Variants in DNAH3 observed in about 807,000 individuals in gnomAD.
DNAH3 encodes the protein axonemal beta dynein heavy chain 3.
A neutral mutation model predicts 432.5 loss-of-function variants in DNAH3; 332 were observed. That is an observed-to-expected ratio of 0.77 (90% CI 0.70 to 0.84). DNAH3 has a LOEUF of 0.84. Ranked by LOEUF, DNAH3 falls within the 40% of genes least tolerant of loss-of-function variation. The pLI, the probability that DNAH3 is intolerant of heterozygous loss-of-function variation, is 0.00. For synonymous variants in DNAH3, 1,956 were observed against 1,900.2 expected (o/e 1.03, Z -0.76); for missense variants, 4,861 against 5,114.0 (o/e 0.95, Z 1.51).
intron 24 of DNAH3, among the ~76,000 whole-genome samples, chr16:21,063,794 C>T (rs1046506930): frequency 6.6e-6 from 1 of 152,158 alleles, no homozygotes; most frequent in Admixed American, 6.6e-5. Flanking sequence ...CCATCCACCT[C>T]ACCTCCCAGA....
intron 41 of DNAH3, among the ~76,000 whole-genome samples, chr16:21,017,660 C>T (rs1382458655): frequency 2.0e-5 from 3 of 152,162 alleles, no homozygotes; most frequent in Admixed American, 6.5e-5. Flanking sequence ...GTGTCACAGG[C>T]ATGCGTCCTC....
intron 20 of DNAH3, among the ~76,000 whole-genome samples, chr16:21,076,033 C>T (rs1414086816): frequency 6.6e-6 from 1 of 151,840 alleles, no homozygotes; most frequent in African/African-American, 2.4e-5. Flanking sequence ...TGCCAGCTAC[C>T]GCCAGTGTTT....
At chr16:21,125,505 C>T (rs1322403648) in intron 8 of DNAH3, 135 bp from the exon 10 acceptor site, 3 of 570,666 alleles carry the variant, frequency 5.3e-6, no homozygotes, top group Non-Finnish European at 8.5e-6. Flanking sequence ...TCAGTACTTT[C>T]AATTTCCAGC....
At chr16:20,987,336 G>A in exon 47 of DNAH3, 1 of 1,614,148 alleles carries the variant, frequency 6.2e-7, no homozygotes, top group Non-Finnish European at 8.5e-7. Flanking sequence ...GCAATTGGAG[G>A]TGGTTTCCTT....
At chr16:21,067,663 G>C (rs1597294517) in intron 23 of DNAH3, among the ~76,000 whole-genome samples, 1 of 150,670 alleles carries the variant, frequency 6.6e-6, no homozygotes, top group East Asian at 2.0e-4. Flanking sequence ...TTAACCCAAG[G>C]AGTTTAGAAT....
chr16:20,989,835 G>C (rs1211914219), intron 44 of DNAH3, among the ~76,000 whole-genome samples: 1 of 152,232 alleles, frequency 6.6e-6, no homozygotes, highest in Non-Finnish European at 1.5e-5. Flanking sequence ...AGCACCGGTG[G>C]GCTGGCACTG....
chr16:21,126,603 C>T (rs1176192563), intron 8 of DNAH3, among the ~76,000 whole-genome samples: 1 of 152,162 alleles, frequency 6.6e-6, no homozygotes, highest in African/African-American at 2.4e-5. Context: ...CAAATGCATT[C>T]CCCTGTAACA....
intron 51 of DNAH3, among the ~76,000 whole-genome samples, chr16:20,970,736 A>C (rs1418236553): frequency 6.6e-6 from 1 of 152,176 alleles, no homozygotes; most frequent in African/African-American, 2.4e-5. Context: ...TAGGGGGGAA[A>C]GAAATAATTG....
intron 37 of DNAH3, among the ~76,000 whole-genome samples, chr16:21,030,214 T>C (rs1398941576): frequency 6.6e-6 from 1 of 152,154 alleles, no homozygotes; most frequent in Non-Finnish European, 1.5e-5. Context: ...TGTGAGTTCC[T>C]TGACCAACAG....
At chr16:21,093,178 T>C (rs571817995) in intron 18 of DNAH3, among the ~76,000 whole-genome samples, 2 of 152,346 alleles carry the variant, frequency 1.3e-5, no homozygotes, top group South Asian at 4.1e-4. Context: ...TCATTTATAT[T>C]GGTGGAAATA....
At chr16:20,985,479 A>G (rs1462829169) in exon 48 of DNAH3, 1 of 1,614,186 alleles carries the variant, frequency 6.2e-7, no homozygotes, top group Admixed American at 1.7e-5. Context: ...GCTTCAGGAC[A>G]CGGCAGATCC....
intron 24 of DNAH3, among the ~76,000 whole-genome samples, chr16:21,066,582 TG>T (rs1356562726): frequency 1.3e-5 from 2 of 152,156 alleles, no homozygotes; most frequent in African/African-American, 4.8e-5. Flanking sequence ...TTGTCCAGGC[TG>T]GTCTCAAATT....
At chr16:21,013,295 T>G (rs1399407589) in intron 41 of DNAH3, among the ~76,000 whole-genome samples, 2 of 151,232 alleles carry the variant, frequency 1.3e-5, no homozygotes, top group Admixed American at 6.6e-5. Context: ...TTTAGGAAGG[T>G]GAGACAGGTG....
At chr16:21,134,503 G>A (rs1421728849) in intron 6 of DNAH3, 49 bp from the exon 8 acceptor site, 1 of 1,515,518 alleles carries the variant, frequency 6.6e-7, no homozygotes, top group Non-Finnish European at 9.0e-7. Flanking sequence ...TAAGGGTTGT[G>A]CTCTTAGCTT....
At chr16:20,950,296 G>C (rs901550706) in intron 56 of DNAH3, among the ~76,000 whole-genome samples, 1 of 152,328 alleles carries the variant, frequency 6.6e-6, no homozygotes, top group South Asian at 2.1e-4. Flanking sequence ...TCACTGTAAA[G>C]AACAGTCTTT....
chr16:21,098,988 C>A (rs2091767150), intron 16 of DNAH3, among the ~76,000 whole-genome samples: 1 of 152,128 alleles, frequency 6.6e-6, no homozygotes. Context: ...TCCCAGAAAT[C>A]GAGCTGTTGT....
intron 14 of DNAH3, among the ~76,000 whole-genome samples, chr16:21,109,415 A>G (rs1309070937): frequency 6.6e-6 from 1 of 152,148 alleles, no homozygotes; most frequent in Non-Finnish European, 1.5e-5. Context: ...GGGTACTTAT[A>G]TGGTGCCTAG....
chr16:21,037,700 A>C (rs1239160233), intron 34 of DNAH3, 61 bp downstream of exon 34: 2 of 1,485,066 alleles, frequency 1.3e-6, no homozygotes, highest in Non-Finnish European at 1.9e-6. Context: ...CACCAAACAC[A>C]ACATTTCATC....
chr16:21,141,245 T>C (rs2092714515), intron 4 of DNAH3, 55 bp downstream of exon 5: 3 of 1,246,196 alleles, frequency 2.4e-6, no homozygotes, highest in Non-Finnish European at 2.3e-6. Flanking sequence ...TGAGACCACA[T>C]CCTTCTGTTC....
Sources: gnomAD v4.1 joint callset for allele counts (sites outside exome capture counted in the v4.1 genomes callset) on GRCh38, gnomAD v4.1.1 for gene constraint, MANE v1.5 for transcripts, NCBI Gene and HGNC (gene_info 2026-07-23, HGNC 2026-07-21) for gene names.